Variants in CELSR2 observed in about 807,000 individuals in gnomAD.
The protein encoded by CELSR2 is EGF-like protein 2.
Under a neutral mutation model 251.6 loss-of-function variants are expected in CELSR2, and 81 were observed. The observed-to-expected ratio is 0.32, with a 90% CI of 0.27 to 0.39. The LOEUF is 0.39. CELSR2 is among the 10% of genes least tolerant of loss of function. The probability of loss-of-function intolerance (pLI) is 1.00; values close to 1 mark genes in which losing one functional copy is unlikely to be tolerated. For synonymous variants in CELSR2, 1,721 were observed against 1,670.5 expected (o/e 1.03, Z -0.74); for missense variants, 3,365 against 3,947.7 (o/e 0.85, Z 3.96).
intron 2 of CELSR2, among the ~76,000 whole-genome samples, chr1:109,260,826 A>T (rs1655999645): frequency 6.6e-6 from 1 of 152,116 alleles, no homozygotes; most frequent in Non-Finnish European, 1.5e-5. Context: ...CTGTGGCGAG[A>T]GCGGCTCAGT....
At position 109,270,047 on chromosome 1, in the gene CELSR2, C is replaced by T; in HGVS notation, c.7222C>T (p.Gln2408Ter). The T allele has an allele frequency of 6.2e-7, 1 of 1,614,160 alleles. No individual in the cohort carries two copies. Among genetic ancestry groups the T allele is most frequent in the South Asian group, 1.1e-5 (1 of 91,076 alleles). The stretch of plus-strand genomic sequence containing the variant: ...TCTCTTGCGTATCCTGCGCTCCAAC[C>T]AACACGGCATCCGACGTAACCTGAC... ...LTLLRILRSN[Q>*]HGIRRNLTAA... The change falls in exon 23 of 34, where the codon CAA becomes TAA. Residue 2408 changes from glutamine (Q) to a stop codon, truncating the protein, a stop_gained. Transcript: ENST00000271332. LOFTEE classifies it high-confidence loss of function.
chr1:109,264,678 A>G (rs1656140010), intron 11 of CELSR2, 50 bp downstream of exon 11: 2 of 1,593,914 alleles, frequency 1.3e-6, no homozygotes, highest in Admixed American at 1.7e-5. Flanking sequence ...GCCTGGGGCC[A>G]CATGCTGGCT....
rs766602567 is a variant in CELSR2, at chr1:109,273,511, C to T, written c.8585C>T (p.Thr2862Ile). The stretch of plus-strand genomic sequence containing the variant: ...CTGCGGCTCCCCCTGGAGCAATGCA[C>T]AGGGTCTTCCCGGGGCTCCTCCGCT... Reference protein sequence around the residue: ...SLLRLPLEQCTGSSRGSSASE... With the variant: ...SLLRLPLEQCIGSSRGSSASE... The change falls in exon 33 of 34, where the codon ACA becomes ATA. Residue 2862 changes from threonine (T) to isoleucine (I), a missense_variant. Transcript: ENST00000271332. The T allele has an allele frequency of 1.4e-5, 22 of 1,607,926 alleles. No individual in the cohort carries two copies. Among genetic ancestry groups the T allele is most frequent in the Admixed American group, 1.0e-4 (6 of 59,460 alleles).
Position 109,264,507 on chromosome 1 carries a change from T to C in CELSR2, c.5343T>C (p.His1781=), listed in dbSNP as rs770487504. 4.6e-5 allele frequency: 75 copies of C among 1,613,868 alleles called. No individual in the cohort carries two copies. The highest frequency in any genetic ancestry group is 1.1e-4 in the East Asian group (5 of 44,882). The change falls in exon 11 of 34, where the codon CAT becomes CAC. Residue 1781 remains histidine, a synonymous_variant. Coordinates refer to ENST00000271332, the MANE Select transcript of CELSR2 (RefSeq NM_001408.3). ...PEGVNSLDPS[H]GESINVEQGC... is the part of the protein sequence containing the mutation. ...GGGTTAACAGCCTGGATCCCAGCCA[T>C]GGGGAGAGCATCAACGTGGAGCAAG...
In CELSR2 at chr1:109,251,875, C is replaced by T; in HGVS notation, c.1796C>T (p.Thr599Ile). 1 of 1,614,100 alleles carries T rather than the reference C, an allele frequency of 6.2e-7. No individual in the cohort carries two copies. Among genetic ancestry groups the T allele is most frequent in the Non-Finnish European group, 8.5e-7 (1 of 1,180,030 alleles). Residue 599 changes from threonine to isoleucine, a missense_variant, in exon 1 of 34, where the codon ACT (threonine) becomes ATT (isoleucine). Physicochemically the swap from Thr to Ile is moderately conservative, Grantham distance 89. Transcript: ENST00000271332. This position sits in a 1 kb window ranked among gnomAD's most constrained non-coding sequence, Gnocchi z 4.9. ...ALTASASVSV[T>I]VLDVNDNNPT... is the part of the protein sequence containing the mutation. Reference sequence around the variant, plus strand: ...ACTGCCTCGGCCAGTGTCAGCGTGACTGTCCTGGATGTCAACGACAACAAT... The same window carrying T: ...ACTGCCTCGGCCAGTGTCAGCGTGATTGTCCTGGATGTCAACGACAACAAT...
In CELSR2 at chr1:109,250,857, A is replaced by G. The variant is rs764419726; in HGVS notation, c.778A>G (p.Thr260Ala). 6.2e-7 allele frequency: 1 copy of G among 1,614,030 alleles called. No homozygotes were observed. Among genetic ancestry groups the G allele is most frequent in the Non-Finnish European group, 8.5e-7 (1 of 1,180,038 alleles). Reference protein sequence around the residue: ...ETKSTHVFRVTAQDHGMPRRS... With the variant: ...ETKSTHVFRVAAQDHGMPRRS... ...CAAGAGCACCCACGTCTTCAGGGTCACGGCGCAGGACCACGGCATGCCCCG... is the reference window on the plus strand; with the variant it reads ...CAAGAGCACCCACGTCTTCAGGGTCGCGGCGCAGGACCACGGCATGCCCCG... The change falls in exon 1 of 34, where the codon ACG becomes GCG. Residue 260 changes from threonine (T) to alanine (A), a missense_variant. Thr to Ala is a moderately conservative substitution (Grantham distance 58, BLOSUM62 0). Transcript: ENST00000271332. This position sits in a 1 kb window ranked among gnomAD's most constrained non-coding sequence, Gnocchi z 4.4.
chr1:109,262,817 T>C lies in CELSR2; in HGVS notation c.4556T>C (p.Leu1519Pro). The change falls in exon 7 of 34, where the codon CTG becomes CCG. Residue 1519 changes from leucine (L) to proline (P), a missense_variant. This residue lies in a region of CELSR2 where 2,093 missense variants were observed against 2,382.8 expected (regional missense o/e 0.88). Transcript: ENST00000271332. ...TQGGSKKSLD[L>P]TGPLLLGGVP... ...CTTTGCTCCCCCAGGTCTCTGGATC[T>C]GACGGGGCCCCTGCTACTAGGCGGG... 6.2e-7 allele frequency: 1 copy of C among 1,612,500 alleles called. No individual in the cohort carries two copies. The highest frequency in any genetic ancestry group is 8.5e-7 in the Non-Finnish European group (1 of 1,179,230).
At position 109,264,542 on chromosome 1, in the gene CELSR2, T is replaced by C; in HGVS notation, c.5378T>C (p.Leu1793Pro). 6.2e-7 allele frequency: 1 copy of C among 1,614,184 alleles called. No homozygotes were observed. The highest frequency in any genetic ancestry group is 8.5e-7 in the Non-Finnish European group (1 of 1,180,016). The part of the protein sequence containing the change: ...ESINVEQGCS[L>P]PDPCDSNPCP... ...ATCAACGTGGAGCAAGGCTGTAGCCTGCCTGACCCTTGTGACTCAAACCCG... is the reference window on the plus strand; with the variant it reads ...ATCAACGTGGAGCAAGGCTGTAGCCCGCCTGACCCTTGTGACTCAAACCCG... The change falls in exon 11 of 34, where the codon CTG (leucine) becomes CCG (proline). Residue 1793 changes from leucine (L) to proline (P), a missense_variant. Physicochemically the swap from Leu to Pro is moderately conservative, Grantham distance 98 (BLOSUM62 -3). This residue lies in a region of CELSR2 where 2,093 missense variants were observed against 2,382.8 expected (regional missense o/e 0.88). Coordinates refer to ENST00000271332, the MANE Select transcript of CELSR2 (RefSeq NM_001408.3).
rs1333800404 is a variant in CELSR2, at chr1:109,265,064, G to A, written c.5606+55G>A. The stretch of plus-strand genomic sequence containing the variant: ...TCCCAGTGGCTGCTGCTTCTCTCTG[G>A]TGTGTCCCTCAGAGCCCCGAAAGCC... On this transcript the variant is annotated intron_variant, in intron 12 of 33. Coordinates refer to ENST00000271332, the MANE Select transcript of CELSR2 (RefSeq NM_001408.3). 5 of 1,611,124 alleles carry A rather than the reference G, an allele frequency of 3.1e-6. No homozygotes were observed. In the African/African-American group the frequency reaches 4.0e-5, roughly 13 times the overall value.
In CELSR2 at chr1:109,268,566, C is replaced by T; in HGVS notation, c.6319-15C>T. Reference sequence around the variant, plus strand: ...TGGGTTGTGAGCACACCCACCGTGACCTTGCCCACCCCAGAATCTGCTGCG... The same window carrying T: ...TGGGTTGTGAGCACACCCACCGTGATCTTGCCCACCCCAGAATCTGCTGCG... On this transcript the variant is annotated splice_polypyrimidine_tract_variant and intron_variant, in intron 17 of 33. Coordinates refer to ENST00000271332, the MANE Select transcript of CELSR2 (RefSeq NM_001408.3). 1 of 1,597,272 alleles carries T rather than the reference C, an allele frequency of 6.3e-7. No homozygotes were observed. The highest frequency in any genetic ancestry group is 1.7e-4 in the Middle Eastern group (1 of 5,808).
Position 109,252,895 on chromosome 1 carries a change from C to A in CELSR2, c.2816C>A (p.Ala939Asp). The A allele has an allele frequency of 6.2e-7, 1 of 1,612,522 alleles. No homozygotes were observed. Residue 939 changes from alanine to aspartate, a missense_variant, in exon 1 of 34, where the codon GCC becomes GAC. Around this residue, in one of 5 missense-constraint regions of CELSR2, gnomAD observed 505 missense variants for 660.0 expected, o/e 0.77. Transcript: ENST00000271332. This position sits in a 1 kb window ranked among gnomAD's most constrained non-coding sequence, Gnocchi z 4.8. ...FVEENSPIGL[A>D]VARVTATDPD... ...GAAGAGAACAGCCCCATTGGGCTAG[C>A]CGTGGCCCGGGTCACAGCCACTGAC...
Position 109,251,465 on chromosome 1 carries a change from T to G in CELSR2, c.1386T>G (p.Leu462=), listed in dbSNP as rs199581862. The change falls in exon 1 of 34, where the codon CTT becomes CTG. Residue 462 remains leucine, a synonymous_variant. Transcript: ENST00000271332. The surrounding 1 kb of genome is among the most constrained non-coding windows in gnomAD (Gnocchi z 4.9). The stretch of plus-strand genomic sequence containing the variant: ...GAGCTCTGGATGTGGTGAGCCCTCT[T>G]GACTATGAGACGACCAAGGAGTACA... ...QTGALDVVSP[L]DYETTKEYTL... is the part of the protein sequence containing the mutation. The G allele has an allele frequency of 2.0e-5, 32 of 1,613,774 alleles. No individual in the cohort carries two copies. In the East Asian group the frequency reaches 4.2e-4, roughly 21 times the overall value.
chr1:109,255,729 C>T (rs1655825278), intron 1 of CELSR2, among the ~76,000 whole-genome samples: 1 of 152,220 alleles, frequency 6.6e-6, no homozygotes, highest in East Asian at 1.9e-4. Flanking sequence ...GCTCAGGCAA[C>T]GTACTCCCCA....
chr1:109,258,762 G>A lies in CELSR2; in HGVS notation c.3641G>A (p.Ser1214Asn). ...DLQERLYLNR[S>N]LLTAISAQRV... ...CAGGAGCGCCTATACCTCAACCGCA[G>A]CCTGCTGACGGCCATCTCGGCACAG... is the stretch of plus-strand genomic sequence containing the variant. The change falls in exon 2 of 34, where the codon AGC (serine) becomes AAC (asparagine). Residue 1214 changes from serine to asparagine, a missense_variant. By Grantham distance (46) the Ser-to-Asn change is conservative (BLOSUM62 1). Transcript: ENST00000271332. 1 of 1,590,594 alleles carries A rather than the reference G, an allele frequency of 6.3e-7. No individual in the cohort carries two copies. The highest frequency in any genetic ancestry group is 1.8e-5 in the Admixed American group (1 of 56,354).
chr1:109,268,290 G>T (rs1368118733), intron 17 of CELSR2, among the ~76,000 whole-genome samples: 3 of 152,250 alleles, frequency 2.0e-5, no homozygotes, highest in Non-Finnish European at 4.4e-5. Context: ...GCAGAGGCCT[G>T]CCTGTGGTAC....
chr1:109,258,451 C>G lies in CELSR2; in HGVS notation c.3330C>G (p.Thr1110=), dbSNP rs777071523. ...VLVSDGVHSV[T]AQCALRVTII... ...CCACAGACGGCGTACACAGCGTGAC[C>G]GCCCAGTGCGCGCTGCGTGTGACCA... Residue 1110 remains threonine (T), a synonymous_variant, in exon 2 of 34, where the codon ACC becomes ACG. Transcript: ENST00000271332. 6.3e-7 allele frequency: 1 copy of G among 1,594,246 alleles called. No individual in the cohort carries two copies. The highest frequency in any genetic ancestry group is 8.6e-7 in the Non-Finnish European group (1 of 1,169,074).
At position 109,269,060 on chromosome 1, in the gene CELSR2, G is replaced by C; in HGVS notation, c.6632-50G>C. The C allele has an allele frequency of 1.3e-6, 2 of 1,599,196 alleles. No individual in the cohort carries two copies. The highest frequency in any genetic ancestry group is 2.2e-5 in the South Asian group (2 of 90,120). On this transcript the variant is annotated intron_variant, in intron 19 of 33. Coordinates refer to ENST00000271332, the MANE Select transcript of CELSR2 (RefSeq NM_001408.3). The surrounding 1 kb of genome is among the most constrained non-coding windows in gnomAD (Gnocchi z 6.4). The stretch of plus-strand genomic sequence containing the variant: ...GGAGCTGGACCCCAGTGTCTGTGCA[G>C]ACTCCACAGAGAGCAGGGCCCAGCT...
At position 109,274,085 on chromosome 1, in the gene CELSR2, C is replaced by T; in HGVS notation, c.*36C>T. On this transcript the variant is annotated 3_prime_UTR_variant, in exon 34 of 34. Transcript: ENST00000271332. ...TGGTTCCTACGCCCGAGGCTCCCTT[C>T]CCTTCCCCAGCCGCACTCATGCCCT... The T allele has an allele frequency of 6.2e-7, 1 of 1,613,994 alleles. No individual in the cohort carries two copies. Among genetic ancestry groups the T allele is most frequent in the African/African-American group, 1.3e-5 (1 of 75,052 alleles).
intron 28 of CELSR2, 24 bp from the exon 29 acceptor site, chr1:109,272,254 C>G: frequency 6.5e-7 from 1 of 1,547,712 alleles, no homozygotes; most frequent in Non-Finnish European, 8.7e-7. Flanking sequence ...TCCCCACTTA[C>G]TGACCTCTCT....
Sources: allele counts gnomAD v4.1 joint callset (sites outside exome capture counted in the v4.1 genomes callset), GRCh38; gene constraint gnomAD v4.1.1; regional missense constraint gnomAD v4.1.1; non-coding constraint Gnocchi (gnomAD v3.1); transcripts MANE v1.5; gene names NCBI Gene and HGNC (gene_info 2026-07-23, HGNC 2026-07-21).